The following AK4 variants were observed in gnomAD, a reference collection of about 807,000 sequenced individuals.
AK4 encodes the protein adenylate kinase 4.
Under a neutral mutation model 24.6 loss-of-function variants are expected in AK4, and 13 were observed. That is an observed-to-expected ratio of 0.53 (90% confidence interval 0.34 to 0.84). AK4 has a LOEUF of 0.84. AK4 is among the 40% of genes least tolerant of loss of function. The pLI is 0.01. For synonymous variants in AK4, 88 were observed against 107.0 expected, an observed-to-expected ratio of 0.82 and a Z score of 1.10; for missense variants, 192 against 288.2, an observed-to-expected ratio of 0.67 and a Z score of 2.42.
At chr1:65,207,504 T>C (rs1223299146) in intron 2 of AK4, among the ~76,000 whole-genome samples, 4 of 150,798 alleles carry the variant, frequency 2.7e-5, no homozygotes, top group Non-Finnish European at 5.9e-5. Context: ...CACAGAGTGG[T>C]AGGAGGAAGC....
At chr1:65,175,829 C>G (rs72677684) in intron 1 of AK4, among the ~76,000 whole-genome samples, 1 of 152,120 alleles carries the variant, frequency 6.6e-6, no homozygotes, top group Non-Finnish European at 1.5e-5. Flanking sequence ...GATTACTTGC[C>G]GTTTTCCTAT....
chr1:65,203,570 G>T (rs992985648), intron 2 of AK4, among the ~76,000 whole-genome samples: 2 of 152,094 alleles, frequency 1.3e-5, no homozygotes, highest in South Asian at 2.1e-4. Flanking sequence ...TTTGGAGGAC[G>T]AGGTGGGTGG....
chr1:65,183,004 CAGTGTTTA>C (rs1198107952), intron 1 of AK4, among the ~76,000 whole-genome samples: 1 of 152,094 alleles, frequency 6.6e-6, no homozygotes, highest in Non-Finnish European at 1.5e-5. Flanking sequence ...TACCCAATCC[CAGTGTTTA>C]AGACTCTGAG....
chr1:65,201,031 A>C (rs1401453736), intron 2 of AK4, among the ~76,000 whole-genome samples: 1 of 152,122 alleles, frequency 6.6e-6, no homozygotes, highest in African/African-American at 2.4e-5. Context: ...TGACCTCGTG[A>C]TCTGCCCACC....
chr1:65,174,958 A>G (rs977617880), intron 1 of AK4, among the ~76,000 whole-genome samples: 1 of 152,156 alleles, frequency 6.6e-6, no homozygotes, highest in African/African-American at 2.4e-5. Flanking sequence ...ATGGATATCT[A>G]TTTTTAATGT....
At chr1:65,180,595 T>C (rs1004664783) in intron 1 of AK4, among the ~76,000 whole-genome samples, 9 of 152,220 alleles carry the variant, frequency 5.9e-5, no homozygotes, top group African/African-American at 2.2e-4. Context: ...TTAAAGCTTA[T>C]TTTCTTACTG....
rs573024254 is a variant in AK4, at chr1:65,150,944, C to CTT, written c.145+2394_145+2395dup. Among the ~76,000 whole-genome samples, 8 of 152,212 alleles carry CTT rather than the reference C, an allele frequency of 5.3e-5. No individual in the cohort carries two copies. The South Asian group carries it at 1.5e-3, about 28-fold the overall frequency. On this transcript the variant is annotated intron_variant, in intron 1 of 4. Transcript: ENST00000327299. ...TCACCTGCTCTGGCAGAATTCATCT[C>CTT]TTTCCTCTGCACATAACTTTTTTTT...
chr1:65,150,492 G>A (rs1447441569), intron 1 of AK4, among the ~76,000 whole-genome samples: 1 of 152,072 alleles, frequency 6.6e-6, no homozygotes, highest in Non-Finnish European at 1.5e-5. Flanking sequence ...ATAAAGGACA[G>A]CAATTTGTTT....
chr1:65,215,176 C>CTTTTTT (rs1553127383), intron 2 of AK4, among the ~76,000 whole-genome samples: 2 of 114,626 alleles, frequency 1.7e-5, no homozygotes, highest in East Asian at 4.4e-4. Flanking sequence ...TTCTTTCTTT[C>CTTTTTT]TTTTTTTTTT....
chr1:65,154,388 ATTTGCATAC>A, intron 1 of AK4: 1 of 371,652 alleles, frequency 2.7e-6, no homozygotes, highest in Non-Finnish European at 5.6e-6. Context: ...CATTTGGGTT[ATTTGCATAC>A]TTTGCTGATT....
chr1:65,193,586 T>C (rs1382516621), intron 2 of AK4, among the ~76,000 whole-genome samples: 1 of 152,218 alleles, frequency 6.6e-6, no homozygotes, highest in African/African-American at 2.4e-5. Context: ...AACTATATGG[T>C]TATCCCTCAG....
chr1:65,218,569 GTTTGTGACATGGATTTAT>G (rs1367920229), intron 2 of AK4, among the ~76,000 whole-genome samples, 167 bp from the exon 3 acceptor site: 1 of 152,156 alleles, frequency 6.6e-6, no homozygotes, highest in Non-Finnish European at 1.5e-5. Context: ...ACATGTGCAG[GTTTGTGACATGGATTTAT>G]TATGTGGTGC....
chr1:65,207,610 T>G (rs2101066764), intron 2 of AK4, among the ~76,000 whole-genome samples: 1 of 151,382 alleles, frequency 6.6e-6, no homozygotes, highest in Middle Eastern at 3.4e-3. Flanking sequence ...CATGTGCAGG[T>G]TCGTTACACG....
chr1:65,186,804 T>C (rs184023094), intron 1 of AK4, among the ~76,000 whole-genome samples: 1,640 of 152,242 alleles, frequency 0.011, 6 homozygotes, highest in Non-Finnish European at 0.016. Context: ...AGAACATAGA[T>C]ACCACACAGG....
At chr1:65,161,552 A>G (rs569694143) in intron 1 of AK4, among the ~76,000 whole-genome samples, 1 of 152,156 alleles carries the variant, frequency 6.6e-6, no homozygotes, top group African/African-American at 2.4e-5. Context: ...GCTTCCATGA[A>G]GCCTTTCCAC....
chr1:65,166,397 C>T (rs993250642), intron 1 of AK4, among the ~76,000 whole-genome samples: 1 of 151,662 alleles, frequency 6.6e-6, no homozygotes, highest in African/African-American at 2.4e-5. Flanking sequence ...TGTAAACCCC[C>T]TATTAGTTGT....
In AK4 at chr1:65,148,393, C is replaced by G. The variant is rs1166121570; in HGVS notation, c.-15C>G. The G allele has an allele frequency of 3.3e-6, 5 of 1,527,842 alleles. No homozygotes were observed. Among genetic ancestry groups the G allele is most frequent in the Non-Finnish European group, 3.5e-6 (4 of 1,138,454 alleles). 94.6% of individuals were successfully genotyped at this position (1,527,842 alleles called of 1,614,324 possible). On this transcript the variant is annotated 5_prime_UTR_variant, in exon 1 of 5. Transcript: ENST00000327299. The stretch of plus-strand genomic sequence containing the variant: ...CGGGGCTGCGCGTTTGACCGCCCCC[C>G]TCCTCGCGAAGGCAATGGCTTCCAA...
At chr1:65,166,026 A>C (rs530979963) in intron 1 of AK4, 1 of 152,322 alleles carries the variant, frequency 6.6e-6, no homozygotes. Context: ...AGTGGTAGGC[A>C]CAGGGAGTTG....
rs141615715 is a variant in AK4, at chr1:65,211,062, A to AT, written c.266-7690dup. On this transcript the variant is annotated intron_variant, in intron 2 of 4. Coordinates refer to ENST00000327299, the MANE Select transcript of AK4 (RefSeq NM_013410.4). Reference sequence around the variant, plus strand: ...ACTGGAAACAACTTGGATGTCCACCATTAGGGGATTGGTTAAATTATGCTC... The same window carrying AT: ...ACTGGAAACAACTTGGATGTCCACCATTTAGGGGATTGGTTAAATTATGCTC... Among the ~76,000 whole-genome samples the AT allele has an allele frequency of 2.6e-3, 401 of 152,264 alleles. 5 individuals carry two copies. The highest frequency in any genetic ancestry group is 9.4e-3 in the African/African-American group (390 of 41,540).
Sources: gnomAD v4.1 joint callset for allele counts (sites outside exome capture counted in the v4.1 genomes callset) on GRCh38, gnomAD v4.1.1 for gene constraint, MANE v1.5 for transcripts, NCBI Gene and HGNC (gene_info 2026-07-23, HGNC 2026-07-21) for gene names.